SLC16A2: variants seen among roughly 807,000 people sequenced by gnomAD.
The protein encoded by SLC16A2 is monocarboxylate transporter 8.
In SLC16A2, 3 loss-of-function variants were observed where a neutral mutation model predicts 27.2. The observed-to-expected ratio is 0.11, with a 90% CI of 0.05 to 0.28. The LOEUF (loss-of-function observed/expected upper bound fraction) is 0.28, where lower values mean the gene tolerates loss of function less well. SLC16A2 is among the 10% of genes least tolerant of loss of function. The pLI is 1.00. For synonymous variants in SLC16A2, 202 were observed against 187.8 expected, an observed-to-expected ratio of 1.08 and a Z score of -0.62; for missense variants, 295 against 458.5, an observed-to-expected ratio of 0.64 and a Z score of 3.26.
chrX:74,510,894 C>T (rs1261524353), intron 1 of SLC16A2, among the ~76,000 whole-genome samples: 1 of 98,339 alleles, frequency 1.0e-5, no homozygotes, highest in Non-Finnish European at 2.0e-5. Flanking sequence ...GCTTCAAAAA[C>T]TTAAAAAAAA....
At chrX:74,459,329 G>A (rs1353091590) in intron 1 of SLC16A2, among the ~76,000 whole-genome samples, 4 of 83,959 alleles carry the variant, frequency 4.8e-5, no homozygotes, top group African/African-American at 1.3e-4. Flanking sequence ...TGCCCCCCCA[G>A]GGGCTGGAGT....
chrX:74,423,440 A>G (rs966427010), intron 1 of SLC16A2, among the ~76,000 whole-genome samples: 2 of 112,062 alleles, frequency 1.8e-5, no homozygotes, highest in African/African-American at 6.5e-5. Context: ...GGCCCTCTCC[A>G]GGACTTGTGG....
At chrX:74,514,229 G>A (rs1204086503) in intron 1 of SLC16A2, among the ~76,000 whole-genome samples, 1 of 105,879 alleles carries the variant, frequency 9.4e-6, no homozygotes, top group Non-Finnish European at 1.9e-5. Context: ...AGCTGAAGAA[G>A]CCAGCAACCA....
intron 1 of SLC16A2, among the ~76,000 whole-genome samples, chrX:74,427,880 C>G (rs768354156): frequency 2.7e-5 from 3 of 110,532 alleles, no homozygotes; most frequent in Non-Finnish European, 3.8e-5. Flanking sequence ...TATGAATATT[C>G]CATCTGAAAT....
At chrX:74,484,706 T>A (rs959541176) in intron 1 of SLC16A2, among the ~76,000 whole-genome samples, 4 of 111,909 alleles carry the variant, frequency 3.6e-5, no homozygotes, top group African/African-American at 1.3e-4. Context: ...TTTCCCCTTT[T>A]TGGCCAAGAT....
At chrX:74,486,871 G>A (rs145706873) in intron 1 of SLC16A2, among the ~76,000 whole-genome samples, 2,252 of 111,569 alleles carry the variant, frequency 0.02, 54 homozygotes, top group African/African-American at 0.069. Flanking sequence ...TTAAGAAAAC[G>A]TGGCACATAT....
At chrX:74,478,197 A>G (rs1017654912) in intron 1 of SLC16A2, among the ~76,000 whole-genome samples, 39 of 111,822 alleles carry the variant, frequency 3.5e-4, no homozygotes, top group African/African-American at 1.1e-3. Context: ...TATATTTAGG[A>G]TAGTTAGCTC....
chrX:74,490,753 A>G (rs954096376), intron 1 of SLC16A2, among the ~76,000 whole-genome samples: 1 of 111,703 alleles, frequency 9.0e-6, no homozygotes, highest in Non-Finnish European at 1.9e-5. Flanking sequence ...TCATTTACCT[A>G]TAAAAACAAC....
At chrX:74,469,790 T>C (rs1370346122) in intron 1 of SLC16A2, among the ~76,000 whole-genome samples, 2 of 111,255 alleles carry the variant, frequency 1.8e-5, no homozygotes, top group Non-Finnish European at 3.8e-5. Flanking sequence ...TTCACCAGAA[T>C]AGTACTTTTA....
intron 1 of SLC16A2, among the ~76,000 whole-genome samples, chrX:74,511,062 C>A (rs758622406): frequency 4.5e-5 from 5 of 111,130 alleles, no homozygotes; most frequent in Non-Finnish European, 7.6e-5. Flanking sequence ...CAGAGCAAGA[C>A]CCTGTCTCTA....
At chrX:74,471,419 A>G (rs1021399922) in intron 1 of SLC16A2, among the ~76,000 whole-genome samples, 1 of 112,033 alleles carries the variant, frequency 8.9e-6, no homozygotes, top group African/African-American at 3.2e-5. Flanking sequence ...GTTAGGACAG[A>G]GTGATAACTT....
intron 4 of SLC16A2, 84 bp from the exon 5 acceptor site, chrX:74,529,129 A>G (rs2147871808): frequency 4.6e-6 from 3 of 652,972 alleles, no homozygotes; most frequent in Non-Finnish European, 7.3e-6. Flanking sequence ...TAGATGGTAG[A>G]AATGAAGACT....
intron 1 of SLC16A2, among the ~76,000 whole-genome samples, chrX:74,518,501 G>C (rs906913154): frequency 7.3e-5 from 8 of 109,690 alleles, no homozygotes; most frequent in African/African-American, 2.7e-4. Context: ...TGAGGCACAA[G>C]AGTTGCTTGA....
At chrX:74,466,706 G>A (rs775501634) in intron 1 of SLC16A2, among the ~76,000 whole-genome samples, 40 of 111,618 alleles carry the variant, frequency 3.6e-4, no homozygotes, top group Non-Finnish European at 6.8e-4. Flanking sequence ...TCTGTGTAGG[G>A]TCTGCTGCAA....
rs1930269887 is a variant in SLC16A2 at position 74,513,674 on chromosome X, C to T, written c.431-7316C>T. On this transcript the variant is annotated intron_variant, in intron 1 of 5. Transcript: ENST00000587091. ...CCCTTAAGTCACTTCTCTTATATAA[C>T]GCTATTCTTCTTCAGTCACAATCTA... 3.6e-5 allele frequency among the ~76,000 whole-genome samples: 4 copies of T among 111,788 alleles called. No individual in the cohort carries two copies. The South Asian group carries it at 1.5e-3, about 42-fold the overall frequency.
At chrX:74,464,123 G>T (rs1254566455) in intron 1 of SLC16A2, among the ~76,000 whole-genome samples, 2 of 112,026 alleles carry the variant, frequency 1.8e-5, no homozygotes. Flanking sequence ...TTATTCCTTT[G>T]TATTGCTAAA....
chrX:74,431,359 C>T (rs1417180173), intron 1 of SLC16A2, among the ~76,000 whole-genome samples: 6 of 112,007 alleles, frequency 5.4e-5, no homozygotes, highest in Non-Finnish European at 9.4e-5. Context: ...TTATCCTAAG[C>T]GAATTAACAA....
intron 1 of SLC16A2, among the ~76,000 whole-genome samples, chrX:74,511,763 G>A (rs780819403): frequency 8.9e-6 from 1 of 112,316 alleles, no homozygotes; most frequent in Non-Finnish European, 1.9e-5. Flanking sequence ...CACAGTGTTT[G>A]TCAGAAAATG....
At chrX:74,470,674 C>T (rs191579602) in intron 1 of SLC16A2, among the ~76,000 whole-genome samples, 18 of 111,804 alleles carry the variant, frequency 1.6e-4, no homozygotes, top group South Asian at 1.5e-3. Flanking sequence ...ATGCCAGGCG[C>T]GGTGGCTAAC....
Sources: allele counts gnomAD v4.1 joint callset (sites outside exome capture counted in the v4.1 genomes callset), GRCh38; gene constraint gnomAD v4.1.1; transcripts MANE v1.5; gene names NCBI Gene and HGNC (gene_info 2026-07-23, HGNC 2026-07-21).